CSPG4: variants seen among roughly 807,000 people sequenced by gnomAD.
CSPG4 encodes the protein chondroitin sulfate proteoglycan 4 (melanoma-associated).
In CSPG4, 74 loss-of-function variants were observed where a neutral mutation model predicts 139.3. That is an observed-to-expected ratio of 0.53 (90% CI 0.44 to 0.64). The LOEUF (loss-of-function observed/expected upper bound fraction) is 0.64. Ranked by LOEUF, CSPG4 falls within the 30% of genes least tolerant of loss-of-function variation. The probability of loss-of-function intolerance (pLI) is 0.00; values close to 1 mark genes in which losing one functional copy is unlikely to be tolerated. For synonymous variants in CSPG4, 1,234 were observed against 1,394.2 expected (o/e 0.89, Z 2.56); for missense variants, 2,565 against 3,148.3 (o/e 0.81, Z 4.43).
intron 1 of CSPG4, among the ~76,000 whole-genome samples, chr15:75,693,555 G>T (rs1894191840): frequency 6.6e-6 from 1 of 152,202 alleles, no homozygotes. Context: ...GCCTCCCCTG[G>T]GCCCCAGAGG....
Position 75,705,953 on chromosome 15 carries a change from GTATGTCTGTGTGTATC to G in CSPG4, c.88+6699_88+6714del, listed in dbSNP as rs963932713. Among the ~76,000 whole-genome samples the G allele has an allele frequency of 2.0e-3, 306 of 152,124 alleles. 1 individual carries two copies. Among genetic ancestry groups the G allele is most frequent in the African/African-American group, 6.9e-3 (288 of 41,524 alleles). ...TGTCTGTGTGCATGTGTCTGTGTCTGTATGTCTGTGTGTATCTATGTCTGTGTGTGCCTGTGTGCGT... is the reference window on the plus strand; with the variant it reads ...TGTCTGTGTGCATGTGTCTGTGTCTGTATGTCTGTGTGTGCCTGTGTGCGT... On this transcript the variant is annotated intron_variant, in intron 1 of 9. Coordinates refer to ENST00000308508, the MANE Select transcript of CSPG4 (RefSeq NM_001897.5).
At chr15:75,706,523 T>G (rs537472517) in intron 1 of CSPG4, among the ~76,000 whole-genome samples, 11 of 151,376 alleles carry the variant, frequency 7.3e-5, no homozygotes, top group African/African-American at 2.2e-4. Context: ...AGAGGCCAGG[T>G]GAGGGTAGGG....
Position 75,689,864 on chromosome 15 carries a change from G to A in CSPG4, c.1201C>T (p.Leu401=), listed in dbSNP as rs745741767. 39 of 1,612,316 alleles carry A rather than the reference G, an allele frequency of 2.4e-5. No homozygotes were observed. The African/African-American group carries it at 4.7e-4, about 19-fold the overall frequency. ...ATGGCTGGCCAAGCCTCAGGGGCCA[G>A]GGTGGAGAAAGCTTCATAATGTCCA... ...AYGHYEAFST[L]APEAWPAMEL... Residue 401 remains leucine (L), a synonymous_variant, in exon 3 of 10, where the codon CTG becomes TTG. Transcript: ENST00000308508.
At position 75,707,474 on chromosome 15, in the gene CSPG4, A is replaced by G. The variant is rs533216813; in HGVS notation, c.88+5194T>C. Among the ~76,000 whole-genome samples, 33 of 152,190 alleles carry G rather than the reference A, an allele frequency of 2.2e-4. 1 individual carries two copies. The highest frequency in any genetic ancestry group is 3.4e-3 in the Middle Eastern group (1 of 294). Reference sequence around the variant, plus strand: ...ATCTGAAACACTTCAGGTCCCCAACATTTCAGATAAGGGACACTCAGCCAG... The same window carrying G: ...ATCTGAAACACTTCAGGTCCCCAACGTTTCAGATAAGGGACACTCAGCCAG... On this transcript the variant is annotated intron_variant, in intron 1 of 9. Transcript: ENST00000308508.
Position 75,694,648 on chromosome 15 carries a change from A to T in CSPG4, c.89-1415T>A, listed in dbSNP as rs1894204240. On this transcript the variant is annotated intron_variant, in intron 1 of 9. Transcript: ENST00000308508. ...CCAGCCCCACTGGGAGGGATGTCCA[A>T]GAAAGATCCCGTAAGAACCCCTTGG... Among the ~76,000 whole-genome samples the T allele has an allele frequency of 4.6e-5, 7 of 152,264 alleles. No homozygotes were observed. The South Asian group carries it at 6.2e-4, about 13-fold the overall frequency.
upstream of CSPG4, among the ~76,000 whole-genome samples, chr15:75,713,424 G>T (rs1010259199): frequency 4.6e-5 from 7 of 152,186 alleles, no homozygotes; most frequent in African/African-American, 1.7e-4. Flanking sequence ...GGATTTCCTC[G>T]CAGGGCAGAA....
intron 1 of CSPG4, among the ~76,000 whole-genome samples, chr15:75,709,125 G>T (rs1894411667): frequency 6.6e-6 from 1 of 152,194 alleles, no homozygotes; most frequent in Non-Finnish European, 1.5e-5. Flanking sequence ...GAGAGAGCTA[G>T]GAACCCTTGC....
chr15:75,707,007 G>A (rs1001135055), intron 1 of CSPG4, among the ~76,000 whole-genome samples: 4 of 150,246 alleles, frequency 2.7e-5, no homozygotes, highest in African/African-American at 9.8e-5. Context: ...ACCCAGGCTG[G>A]AGTGCAGTGA....
At chr15:75,699,512 CGTCTGGAAGATGA>C (rs986106041) in intron 1 of CSPG4, among the ~76,000 whole-genome samples, 5 of 152,188 alleles carry the variant, frequency 3.3e-5, no homozygotes, top group African/African-American at 1.2e-4. Context: ...TGAGGGAACC[CGTCTGGAAGATGA>C]GTGGAAGCAG....
At chr15:75,685,193 C>T in intron 4 of CSPG4, 26 bp downstream of exon 4, 2 of 1,510,174 alleles carry the variant, frequency 1.3e-6, no homozygotes, top group Non-Finnish European at 8.8e-7. Flanking sequence ...TGGGCTGCAG[C>T]CCCTGGGCCT....
chr15:75,690,689 C>A lies in CSPG4; in HGVS notation c.376G>T (p.Asp126Tyr). The A allele has an allele frequency of 1.9e-6, 3 of 1,612,948 alleles. No individual in the cohort carries two copies. The highest frequency in any genetic ancestry group is 2.5e-6 in the Non-Finnish European group (3 of 1,180,022). Residue 126 changes from aspartate (D) to tyrosine (Y), a missense_variant, in exon 3 of 10, where the codon GAT becomes TAT. By Grantham distance (160) the Asp-to-Tyr change is radical. Coordinates refer to ENST00000308508, the MANE Select transcript of CSPG4 (RefSeq NM_001897.5). ...GCTGAGGAGGCGTTCAGAAACCCAT[C>A]GACTGACAACGTGGCCCAGCCCTCT... Reference protein sequence around the residue: ...VVEGWATLSVDGFLNASSAVP... With the variant: ...VVEGWATLSVYGFLNASSAVP...
Position 75,685,702 on chromosome 15 carries a change from C to G in CSPG4, c.3790-1G>C. 1 of 1,587,158 alleles carries G rather than the reference C, an allele frequency of 6.3e-7. No homozygotes were observed. The highest frequency in any genetic ancestry group is 8.5e-7 in the Non-Finnish European group (1 of 1,171,600). Reference sequence around the variant, plus strand: ...CAGGTGGCACTGCCTCCTGGGCTGCCTGGTTAACAGAGGTCACAAGGACTC... The same window carrying G: ...CAGGTGGCACTGCCTCCTGGGCTGCGTGGTTAACAGAGGTCACAAGGACTC... On this transcript the variant is annotated splice_acceptor_variant, in intron 3 of 9. Transcript: ENST00000308508. LOFTEE classifies it high-confidence loss of function.
In CSPG4 at chr15:75,682,836, C is replaced by T; in HGVS notation, c.4648+7G>A. ...CAGGAACCCGAGGCCCGGCCCTCAG[C>T]ACCCACCTCTGTGTGAGAACAGCAC... On this transcript the variant is annotated splice_region_variant and intron_variant, in intron 6 of 9. Transcript: ENST00000308508. 7 of 1,607,962 alleles carry T rather than the reference C, an allele frequency of 4.4e-6. No individual in the cohort carries two copies. The highest frequency in any genetic ancestry group is 5.9e-6 in the Non-Finnish European group (7 of 1,177,732).
In CSPG4 at chr15:75,685,617, G is replaced by A. The variant is rs531406813; in HGVS notation, c.3874C>T (p.Arg1292Cys). The change falls in exon 4 of 10, where the codon CGT (arginine) becomes TGT (cysteine). Residue 1292 changes from arginine (R) to cysteine (C), a missense_variant. By Grantham distance (180) the Arg-to-Cys change is radical. Transcript: ENST00000308508. ...GGTGGCTCATCTGCCAAGGCGCCACGCGACACCATCACCAGGTAGCCGGCA... is the reference window on the plus strand; with the variant it reads ...GGTGGCTCATCTGCCAAGGCGCCACACGACACCATCACCAGGTAGCCGGCA... ...PSAGYLVMVS[R>C]GALADEPPSL... 4.4e-5 allele frequency: 71 copies of A among 1,610,186 alleles called. No individual in the cohort carries two copies. Among genetic ancestry groups the A allele is most frequent in the Non-Finnish European group, 5.3e-5 (62 of 1,179,590 alleles).
At chr15:75,690,918 T>C in intron 2 of CSPG4, 106 bp from the exon 3 acceptor site, 1 of 1,278,976 alleles carries the variant, frequency 7.8e-7, no homozygotes. Context: ...CTCATGCCTG[T>C]AATCCTAGCA....
Position 75,682,749 on chromosome 15 carries a change from CAG to C in CSPG4, c.4649-10_4649-9del, listed in dbSNP as rs748250578. 8 of 1,612,304 alleles carry C rather than the reference CAG, an allele frequency of 5.0e-6. No homozygotes were observed. The African/African-American group carries it at 1.1e-4, about 22-fold the overall frequency. ...AGCCTCCATCCAGGGTTCCTGGGGA[CAG>C]GGGCATTGGGTCCAGCTGGCCCGAG... On this transcript the variant is annotated splice_polypyrimidine_tract_variant and intron_variant, in intron 6 of 9. Transcript: ENST00000308508.
In CSPG4 at chr15:75,687,837, C is replaced by T; in HGVS notation, c.3228G>A (p.Arg1076=). ...CCTCCTGGGTGAAGCGGTAGATGGG[C>T]CGCGTGGGCTCATCTACGGCCACGA... ...GSIVAVDEPT[R]PIYRFTQEDL... is the part of the protein sequence containing the mutation. Residue 1076 remains arginine (R), a synonymous_variant, in exon 3 of 10, where the codon CGG becomes CGA. Coordinates refer to ENST00000308508, the MANE Select transcript of CSPG4 (RefSeq NM_001897.5). The surrounding 1 kb of genome is among the most constrained non-coding windows in gnomAD (Gnocchi z 5.4). 1 of 1,612,908 alleles carries T rather than the reference C, an allele frequency of 6.2e-7. No homozygotes were observed. Among genetic ancestry groups the T allele is most frequent in the South Asian group, 1.1e-5 (1 of 91,088 alleles).
At chr15:75,707,799 C>T (rs117343548) in intron 1 of CSPG4, among the ~76,000 whole-genome samples, 4,540 of 152,228 alleles carry the variant, frequency 0.03, 95 homozygotes, top group South Asian at 0.054. Context: ...CGCTGGAGTG[C>T]AGTCAGAAAA....
intron 1 of CSPG4, among the ~76,000 whole-genome samples, chr15:75,709,862 T>C (rs1894424243): frequency 1.3e-5 from 2 of 151,638 alleles, no homozygotes; most frequent in Non-Finnish European, 2.9e-5. Flanking sequence ...CGGGCAGGCG[T>C]AGGGAGGGAG....
Sources: allele counts gnomAD v4.1 joint callset (sites outside exome capture counted in the v4.1 genomes callset), GRCh38; gene constraint gnomAD v4.1.1; non-coding constraint Gnocchi (gnomAD v3.1); transcripts MANE v1.5; gene names NCBI Gene and HGNC (gene_info 2026-07-23, HGNC 2026-07-21).